BMP5: variants seen among roughly 807,000 people sequenced by gnomAD.
The protein encoded by BMP5 is bone morphogenetic protein 5.
In BMP5, 23 loss-of-function variants were observed where a neutral mutation model predicts 46.6. That is an observed-to-expected ratio of 0.49 (90% CI 0.35 to 0.70). BMP5 has a LOEUF of 0.70. BMP5 is among the 30% of genes least tolerant of loss of function. BMP5 has a pLI of 0.00. For missense variants in BMP5, 545 were observed against 565.6 expected (o/e 0.96, Z 0.37); for synonymous variants, 204 against 191.9 (o/e 1.06, Z -0.52).
At chr6:55,804,744 T>C (rs1249691751) in intron 2 of BMP5, among the ~76,000 whole-genome samples, 1 of 152,110 alleles carries the variant, frequency 6.6e-6, no homozygotes, top group Non-Finnish European at 1.5e-5. Context: ...GAATTGAAAG[T>C]AAAGTTTTAT....
At chr6:55,866,845 T>G (rs1777651430) in intron 1 of BMP5, among the ~76,000 whole-genome samples, 1 of 152,304 alleles carries the variant, frequency 6.6e-6, no homozygotes, top group South Asian at 2.1e-4. Context: ...ATTTACCACT[T>G]TATTTCACCA....
chr6:55,782,657 G>A (rs1050644584), intron 3 of BMP5, among the ~76,000 whole-genome samples: 1 of 152,042 alleles, frequency 6.6e-6, no homozygotes, highest in African/African-American at 2.4e-5. Context: ...ATAACGTGAA[G>A]AATACTTCTA....
chr6:55,759,068 T>G lies in BMP5; in HGVS notation c.1152A>C (p.Gly384=). 6.7e-7 allele frequency: 1 copy of G among 1,499,920 alleles called. No individual in the cohort carries two copies. Among genetic ancestry groups the G allele is most frequent in the South Asian group, 1.1e-5 (1 of 89,472 alleles). The allele number at this position is 1,499,920 out of a possible 1,614,324, so 92.9% of individuals were successfully genotyped here. The part of the protein sequence containing the change: ...PEGYAAFYCD[G]ECSFPLNAHM... ...GGGCGTTAAGTGGAAAAGAACATTC[T>G]CCATCACAATAAAATGCAGCGTATC... The change falls in exon 6 of 7, where the codon GGA becomes GGC. Residue 384 remains glycine, a synonymous_variant. Transcript: ENST00000370830.
chr6:55,844,322 C>A (rs1024285406), intron 1 of BMP5, among the ~76,000 whole-genome samples: 1 of 151,996 alleles, frequency 6.6e-6, no homozygotes, highest in African/African-American at 2.4e-5. Context: ...CAAATAAAAA[C>A]ATTGGCAGAT....
chr6:55,807,279 G>A (rs1290698216), intron 2 of BMP5, among the ~76,000 whole-genome samples: 1 of 152,084 alleles, frequency 6.6e-6, no homozygotes, highest in Non-Finnish European at 1.5e-5. Context: ...TAACATGAAG[G>A]GATGTTGAAC....
chr6:55,843,913 G>A (rs927933485), intron 1 of BMP5, among the ~76,000 whole-genome samples: 13 of 151,926 alleles, frequency 8.6e-5, no homozygotes, highest in Non-Finnish European at 1.6e-4. Context: ...TTTTCAAAGA[G>A]AAATTGTCCT....
At chr6:55,814,705 G>A (rs760152918) in intron 2 of BMP5, among the ~76,000 whole-genome samples, 5 of 152,116 alleles carry the variant, frequency 3.3e-5, no homozygotes, top group Non-Finnish European at 7.4e-5. Flanking sequence ...TGCATCTATA[G>A]GTAATAACAC....
intron 1 of BMP5, among the ~76,000 whole-genome samples, chr6:55,825,611 T>A (rs941120890): frequency 1.3e-5 from 2 of 151,964 alleles, no homozygotes; most frequent in East Asian, 1.9e-4. Context: ...AAGTTGTTTT[T>A]TTTTTCCTCC....
intron 1 of BMP5, among the ~76,000 whole-genome samples, chr6:55,856,866 T>A (rs1019310038): frequency 2.0e-5 from 3 of 152,060 alleles, no homozygotes; most frequent in South Asian, 4.1e-4. Flanking sequence ...CATTTGTATG[T>A]GTGTGTGTAG....
Position 55,753,806 on chromosome 6 carries a change from G to C in BMP5, c.*1727C>G, listed in dbSNP as rs188716725. ...TCAATTTATGATATACTTACATTTT[G>C]TATTCCTTTTAAATAAAGAACCAAA... On this transcript the variant is annotated 3_prime_UTR_variant, in exon 7 of 7. Transcript: ENST00000370830. 6.6e-6 allele frequency: 1 copy of C among 151,826 alleles called. No homozygotes were observed. The highest frequency in any genetic ancestry group is 6.6e-5 in the Admixed American group (1 of 15,216). 9.4% of individuals were successfully genotyped at this position (151,826 alleles called of 1,614,324 possible).
intron 3 of BMP5, among the ~76,000 whole-genome samples, chr6:55,789,986 C>G (rs752679277): frequency 2.0e-5 from 3 of 152,102 alleles, no homozygotes; most frequent in Non-Finnish European, 4.4e-5. Flanking sequence ...CACAGGCTCT[C>G]TGAGGAATCA....
intron 1 of BMP5, among the ~76,000 whole-genome samples, chr6:55,868,525 GTT>G (rs1319446013): frequency 6.6e-6 from 1 of 151,902 alleles, no homozygotes; most frequent in Non-Finnish European, 1.5e-5. Context: ...TGTTTTTGTT[GTT>G]TTTTTCTCCC....
At chr6:55,765,482 T>G (rs2127517710) in intron 4 of BMP5, among the ~76,000 whole-genome samples, 1 of 152,232 alleles carries the variant, frequency 6.6e-6, no homozygotes, top group South Asian at 2.1e-4. Flanking sequence ...CTTAATTTAT[T>G]TATAAAAATT....
intron 1 of BMP5, among the ~76,000 whole-genome samples, chr6:55,849,770 C>T (rs910154418): frequency 6.6e-6 from 1 of 152,020 alleles, no homozygotes; most frequent in Non-Finnish European, 1.5e-5. Context: ...GCATTTACCT[C>T]CTATGAACAT....
chr6:55,825,733 G>T (rs1776516696), intron 1 of BMP5, among the ~76,000 whole-genome samples: 1 of 151,682 alleles, frequency 6.6e-6, no homozygotes. Flanking sequence ...AATTAACAGA[G>T]GATTACAGTT....
At chr6:55,837,937 T>A (rs939302192) in intron 1 of BMP5, among the ~76,000 whole-genome samples, 4 of 152,200 alleles carry the variant, frequency 2.6e-5, no homozygotes, top group Non-Finnish European at 4.4e-5. Flanking sequence ...TGGATCATTT[T>A]ACTTAACCTA....
chr6:55,778,392 G>A (rs1320668512), intron 3 of BMP5, among the ~76,000 whole-genome samples: 4 of 151,966 alleles, frequency 2.6e-5, no homozygotes, highest in African/African-American at 7.2e-5. Context: ...GCTGGTGGCA[G>A]TTAGACCCAA....
chr6:55,822,714 C>T (rs146120274), intron 1 of BMP5, among the ~76,000 whole-genome samples: 1 of 152,008 alleles, frequency 6.6e-6, no homozygotes, highest in Non-Finnish European at 1.5e-5. Context: ...TGTAATCTAC[C>T]GTTCTGGAAT....
chr6:55,762,513 G>T (rs1774812214), intron 4 of BMP5, among the ~76,000 whole-genome samples: 1 of 152,112 alleles, frequency 6.6e-6, no homozygotes, highest in African/African-American at 2.4e-5. Context: ...GATTAAATAA[G>T]TAGATAATGG....
Sources: gnomAD v4.1 joint callset for allele counts (sites outside exome capture counted in the v4.1 genomes callset) on GRCh38, gnomAD v4.1.1 for gene constraint, MANE v1.5 for transcripts, NCBI Gene and HGNC (gene_info 2026-07-23, HGNC 2026-07-21) for gene names.